The following ICE2 variants were observed in gnomAD, a reference collection of about 807,000 sequenced individuals.
ICE2 encodes the protein interactor of little elongation complex ELL subunit 2.
In ICE2, 87 loss-of-function variants were observed where a neutral mutation model predicts 105.4. The ratio of observed to expected loss-of-function variants is 0.83; its 90% CI spans 0.69 to 0.99. The LOEUF (loss-of-function observed/expected upper bound fraction) is 0.99, where lower values mean the gene tolerates loss of function less well. Among genes scored for constraint, ICE2 ranks in the 50% least tolerant of loss-of-function variants. The pLI, the probability that ICE2 is intolerant of heterozygous loss-of-function variation, is 0.00. For missense variants in ICE2, 1,323 were observed against 1,146.7 expected (o/e 1.15, Z -2.22); for synonymous variants, 399 against 392.0 (o/e 1.02, Z -0.21).
chr15:60,451,125 G>T, intron 9 of ICE2: 1 of 796,634 alleles, frequency 1.3e-6, no homozygotes, highest in Non-Finnish European at 1.5e-6. Flanking sequence ...TGTACAAACT[G>T]AAAAATAAAA....
At chr15:60,441,017 C>T (rs2063707874) in intron 12 of ICE2, 1 of 152,056 alleles carries the variant, frequency 6.6e-6, no homozygotes, top group Non-Finnish European at 1.5e-5. Flanking sequence ...AAAACTGAAA[C>T]CTTAATTTTT....
Position 60,449,691 on chromosome 15 carries a change from G to GTACTGT in ICE2, c.1270_1275dup (p.Thr424_Val425dup). 1 of 1,614,072 alleles carries GTACTGT rather than the reference G, an allele frequency of 6.2e-7. No individual in the cohort carries two copies. The highest frequency in any genetic ancestry group is 8.5e-7 in the Non-Finnish European group (1 of 1,180,012). On this transcript the variant is annotated inframe_insertion, in exon 10 of 16. Transcript: ENST00000261520. ...GCTGTAGGAGCATCTGTCATGTTAG[G>GTACTGT]TACTGTGGAAGTACTTGCTGGACTT...
At chr15:60,424,201 A>C (rs1219302747) in intron 15 of ICE2, among the ~76,000 whole-genome samples, 1 of 152,132 alleles carries the variant, frequency 6.6e-6, no homozygotes, top group Non-Finnish European at 1.5e-5. Context: ...TTACATGGAC[A>C]AACAAGAAAG....
At chr15:60,424,811 G>A (rs1321953170) in intron 15 of ICE2, among the ~76,000 whole-genome samples, 1 of 152,142 alleles carries the variant, frequency 6.6e-6, no homozygotes, top group Non-Finnish European at 1.5e-5. Flanking sequence ...CAGCCAAGGT[G>A]GTCTATTCTT....
chr15:60,472,996 T>C (rs984735171), intron 3 of ICE2, among the ~76,000 whole-genome samples: 3 of 152,024 alleles, frequency 2.0e-5, no homozygotes, highest in Non-Finnish European at 4.4e-5. Context: ...TGTCCAGAAG[T>C]GCAGTGGTGT....
chr15:60,434,520 TACAC>T (rs71122858), intron 13 of ICE2, among the ~76,000 whole-genome samples: 8,914 of 144,616 alleles, frequency 0.062, 374 homozygotes, highest in African/African-American at 0.11. Context: ...AAAATGTGAT[TACAC>T]ACACACACAC....
chr15:60,428,381 C>A, intron 15 of ICE2, 48 bp downstream of exon 15: 1 of 1,565,758 alleles, frequency 6.4e-7, no homozygotes, highest in Non-Finnish European at 8.7e-7. Context: ...GTGAAATAGA[C>A]GAATAATAAA....
At chr15:60,440,358 G>A (rs934412206) in intron 12 of ICE2, 2 of 152,194 alleles carry the variant, frequency 1.3e-5, no homozygotes, top group Admixed American at 6.5e-5. Flanking sequence ...TTATAGGGTT[G>A]GAGGGTGAAT....
intron 5 of ICE2, among the ~76,000 whole-genome samples, chr15:60,461,185 G>C (rs574892895): frequency 6.6e-6 from 1 of 152,188 alleles, no homozygotes; most frequent in Non-Finnish European, 1.5e-5. Flanking sequence ...TTCTATGCTA[G>C]AACACATGAA....
At position 60,466,992 on chromosome 15, in the gene ICE2, T is replaced by A. The variant is rs551023604; in HGVS notation, c.409-279A>T. 4.3e-4 allele frequency among the ~76,000 whole-genome samples: 66 copies of A among 152,306 alleles called. 1 individual carries two copies. The highest frequency in any genetic ancestry group is 1.4e-3 in the African/African-American group (59 of 41,566). On this transcript the variant is annotated intron_variant, in intron 4 of 15. Transcript: ENST00000261520. ...TGCTGTCAAAAAAAATTTTTTTTTT[T>A]AATTTATTTTTTTGAGACAGAATCT...
At chr15:60,453,823 T>C (rs1291548785) in intron 8 of ICE2, 39 bp from the exon 9 acceptor site, 1 of 1,456,640 alleles carries the variant, frequency 6.9e-7, no homozygotes, top group Admixed American at 1.9e-5. Context: ...GATTAGTATC[T>C]AATTGTGATA....
intron 12 of ICE2, among the ~76,000 whole-genome samples, chr15:60,437,372 T>G (rs1426826635): frequency 1.3e-5 from 2 of 151,918 alleles, no homozygotes; most frequent in Admixed American, 1.3e-4. Context: ...TTCGCTCTTG[T>G]TGCCCAGGCT....
chr15:60,457,856 C>T (rs955238940), intron 5 of ICE2, among the ~76,000 whole-genome samples: 8 of 152,294 alleles, frequency 5.3e-5, no homozygotes, highest in Middle Eastern at 3.4e-3. Flanking sequence ...AATATCTTTG[C>T]TCCTTATTTG....
At chr15:60,475,632 A>G (rs1483281755) in intron 3 of ICE2, among the ~76,000 whole-genome samples, 1 of 152,166 alleles carries the variant, frequency 6.6e-6, no homozygotes, top group Non-Finnish European at 1.5e-5. Flanking sequence ...GATAATTGCA[A>G]AACAGTTTTA....
chr15:60,449,045 T>G lies in ICE2; in HGVS notation c.1922A>C (p.Lys641Thr). The change falls in exon 10 of 16, where the codon AAA (lysine) becomes ACA (threonine). Residue 641 changes from lysine (K) to threonine (T), a missense_variant. Transcript: ENST00000261520. ...TAAAATCTCTCCAACTGGATCAAAT[T>G]TTTTATATACTCGTTTGATAGGTTT... is the stretch of plus-strand genomic sequence containing the variant. ...LKKPIKRVYK[K>T]FDPVGEILKM... The G allele has an allele frequency of 6.2e-7, 1 of 1,613,300 alleles. No homozygotes were observed. The highest frequency in any genetic ancestry group is 8.5e-7 in the Non-Finnish European group (1 of 1,179,720).
intron 5 of ICE2, 65 bp downstream of exon 5, chr15:60,466,529 A>T: frequency 3.2e-6 from 5 of 1,573,602 alleles, no homozygotes; most frequent in South Asian, 1.2e-5. Context: ...GAATCATCAC[A>T]TATTTCAGAA....
chr15:60,462,482 C>T (rs1422141928), intron 5 of ICE2, among the ~76,000 whole-genome samples: 1 of 151,952 alleles, frequency 6.6e-6, no homozygotes, highest in African/African-American at 2.4e-5. Context: ...GGCCTTTCCA[C>T]AATGTATACA....
chr15:60,430,919 G>C (rs1382888571), intron 14 of ICE2, among the ~76,000 whole-genome samples: 1 of 152,082 alleles, frequency 6.6e-6, no homozygotes, highest in Non-Finnish European at 1.5e-5. Context: ...CTGTCGCCCA[G>C]GCTGGAGTGC....
In ICE2 at chr15:60,477,984, A is replaced by C. The variant is rs1282619412; in HGVS notation, c.-7T>G. On this transcript the variant is annotated 5_prime_UTR_variant, in exon 2 of 16. Coordinates refer to ENST00000261520, the MANE Select transcript of ICE2 (RefSeq NM_024611.6). ...TGACCATCTTGGAGCTCATCTTCCTAGATTTCTGCTTCACTCTAGCTCACA... is the reference window on the plus strand; with the variant it reads ...TGACCATCTTGGAGCTCATCTTCCTCGATTTCTGCTTCACTCTAGCTCACA... 2 of 1,613,808 alleles carry C rather than the reference A, an allele frequency of 1.2e-6. No individual in the cohort carries two copies. The highest frequency in any genetic ancestry group is 1.3e-5 in the African/African-American group (1 of 74,914).
Sources: gnomAD v4.1 joint callset for allele counts (sites outside exome capture counted in the v4.1 genomes callset) on GRCh38, gnomAD v4.1.1 for gene constraint, MANE v1.5 for transcripts, NCBI Gene and HGNC (gene_info 2026-07-23, HGNC 2026-07-21) for gene names.